The following PRKAR2B variants were observed in gnomAD, a reference collection of about 807,000 sequenced individuals.
The protein encoded by PRKAR2B is cAMP-dependent protein kinase type II-beta regulatory subunit.
PRKAR2B carries 14 observed loss-of-function variants against 49.9 expected under a neutral mutation model. The ratio of observed to expected loss-of-function variants is 0.28; its 90% CI spans 0.19 to 0.44. The LOEUF (loss-of-function observed/expected upper bound fraction) is 0.44. Ranked by LOEUF, PRKAR2B falls within the 20% of genes least tolerant of loss-of-function variation. PRKAR2B has a pLI of 1.00. For missense variants in PRKAR2B, 393 were observed against 537.9 expected, an observed-to-expected ratio of 0.73 and a Z score of 2.67; for synonymous variants, 196 against 197.7, an observed-to-expected ratio of 0.99 and a Z score of 0.07.
At chr7:107,064,393 G>T (rs1358253753) in intron 1 of PRKAR2B, among the ~76,000 whole-genome samples, 2 of 152,150 alleles carry the variant, frequency 1.3e-5, no homozygotes, top group African/African-American at 4.8e-5. Context: ...AAAGCAGAAG[G>T]AGCATCGATA....
intron 8 of PRKAR2B, among the ~76,000 whole-genome samples, chr7:107,155,753 TG>T (rs200057826): frequency 0.01 from 1,588 of 152,298 alleles, 15 homozygotes; most frequent in Non-Finnish European, 0.016. Flanking sequence ...AACCCATTAC[TG>T]GGTATATACC....
At chr7:107,134,029 T>TTTTTTTTG (rs1554373175) in intron 4 of PRKAR2B, among the ~76,000 whole-genome samples, 2 of 152,074 alleles carry the variant, frequency 1.3e-5, no homozygotes, top group African/African-American at 4.8e-5. Flanking sequence ...CCTGTTTTTT[T>TTTTTTTTG]TTGTTGTTGT....
At chr7:107,092,345 A>C (rs1159372123) in intron 2 of PRKAR2B, among the ~76,000 whole-genome samples, 2 of 151,764 alleles carry the variant, frequency 1.3e-5, no homozygotes, top group African/African-American at 4.8e-5. Context: ...TCAGGATAGA[A>C]TCCTGAAGTT....
intron 7 of PRKAR2B, among the ~76,000 whole-genome samples, chr7:107,152,353 C>G (rs1426547284): frequency 6.6e-6 from 1 of 152,192 alleles, no homozygotes; most frequent in Non-Finnish European, 1.5e-5. Flanking sequence ...CTCAAACACA[C>G]CTGTCCCACA....
intron 2 of PRKAR2B, among the ~76,000 whole-genome samples, chr7:107,098,146 A>C (rs1016216272): frequency 1.3e-5 from 2 of 152,182 alleles, no homozygotes; most frequent in Non-Finnish European, 2.9e-5. Flanking sequence ...TTCAGGTACA[A>C]CAATCAGACG....
At chr7:107,111,152 G>T (rs896979436) in intron 2 of PRKAR2B, among the ~76,000 whole-genome samples, 22 of 152,256 alleles carry the variant, frequency 1.4e-4, no homozygotes, top group African/African-American at 5.1e-4. Flanking sequence ...GTCTATAGTG[G>T]TGGTGGCCAC....
chr7:107,073,793 G>A (rs1794333237), intron 2 of PRKAR2B, among the ~76,000 whole-genome samples: 1 of 152,100 alleles, frequency 6.6e-6, no homozygotes. Flanking sequence ...TGGTGTGGTG[G>A]CTCACACCTG....
chr7:107,121,021 A>T (rs1208248811), intron 2 of PRKAR2B, among the ~76,000 whole-genome samples: 2 of 150,754 alleles, frequency 1.3e-5, no homozygotes, highest in Non-Finnish European at 3.0e-5. Flanking sequence ...CAAACTATTT[A>T]ATAATTTTTT....
intron 8 of PRKAR2B, among the ~76,000 whole-genome samples, chr7:107,155,702 T>C (rs1226250472): frequency 6.6e-6 from 1 of 152,208 alleles, no homozygotes; most frequent in Non-Finnish European, 1.5e-5. Context: ...TTCATATCCT[T>C]TGCCCACTTT....
chr7:107,074,628 G>A (rs958393006), intron 2 of PRKAR2B, among the ~76,000 whole-genome samples: 1 of 151,792 alleles, frequency 6.6e-6, no homozygotes, highest in Non-Finnish European at 1.5e-5. Context: ...GTGAAACGCT[G>A]TCTCTACTAA....
intron 4 of PRKAR2B, among the ~76,000 whole-genome samples, chr7:107,128,563 G>A (rs1459802006): frequency 2.6e-5 from 4 of 152,114 alleles, no homozygotes; most frequent in African/African-American, 7.2e-5. Flanking sequence ...CTCTCAAGAT[G>A]TTATCTCAGG....
intron 3 of PRKAR2B, among the ~76,000 whole-genome samples, chr7:107,127,038 C>A (rs1195519538): frequency 1.3e-5 from 2 of 152,148 alleles, no homozygotes; most frequent in South Asian, 2.1e-4. Context: ...AATAGTTTAG[C>A]AATACTATAA....
Position 107,044,992 on chromosome 7 carries a change from C to A in PRKAR2B, c.85C>A (p.Leu29Met). 6.4e-7 allele frequency: 1 copy of A among 1,560,548 alleles called. No individual in the cohort carries two copies. Among genetic ancestry groups the A allele is most frequent in the East Asian group, 2.4e-5 (1 of 41,824 alleles). The change falls in exon 1 of 11, where the codon CTG becomes ATG. Residue 29 changes from leucine (L) to methionine (M), a missense_variant. Leu to Met is a conservative substitution (Grantham distance 15). Around this residue, in one of 2 missense-constraint regions of PRKAR2B, gnomAD observed 160 missense variants for 147.6 expected, o/e 1.08. Coordinates refer to ENST00000265717, the MANE Select transcript of PRKAR2B (RefSeq NM_002736.3). ...EVLRHQPADL[L>M]EFALQHFTRL... ...GCTGAGGCACCAGCCCGCGGACCTG[C>A]TGGAGTTCGCGCTGCAGCACTTCAC...
chr7:107,161,186 A>G lies in PRKAR2B; in HGVS notation c.*1604A>G, dbSNP rs534724605. ...GAACACTGTTTAACATTTTTGCAAA[A>G]CCTTCTTGTAGGAAAAGAGAGCTCT... On this transcript the variant is annotated 3_prime_UTR_variant, in exon 11 of 11. Coordinates refer to ENST00000265717, the MANE Select transcript of PRKAR2B (RefSeq NM_002736.3). 2.7e-4 allele frequency: 41 copies of G among 152,212 alleles called. No homozygotes were observed. The highest frequency in any genetic ancestry group is 4.1e-4 in the Non-Finnish European group (28 of 68,000). The allele number at this position is 152,212 out of a possible 1,614,324, so 9.4% of individuals were successfully genotyped here.
At chr7:107,122,197 A>G (rs1017289213) in intron 3 of PRKAR2B, among the ~76,000 whole-genome samples, 193 bp downstream of exon 3, 1 of 152,176 alleles carries the variant, frequency 6.6e-6, no homozygotes, top group African/African-American at 2.4e-5. Context: ...ATTTTTATCC[A>G]GAGAGTATTT....
intron 2 of PRKAR2B, among the ~76,000 whole-genome samples, chr7:107,096,070 A>C (rs1466745365): frequency 6.6e-6 from 1 of 152,176 alleles, no homozygotes; most frequent in Non-Finnish European, 1.5e-5. Context: ...ATAGTTTCAG[A>C]AGGAATGGTA....
At chr7:107,078,739 G>C (rs1312764957) in intron 2 of PRKAR2B, among the ~76,000 whole-genome samples, 1 of 152,180 alleles carries the variant, frequency 6.6e-6, no homozygotes, top group African/African-American at 2.4e-5. Context: ...TGAGTCTCTG[G>C]TTCTTTTTTG....
At chr7:107,053,274 A>G (rs1793845116) in intron 1 of PRKAR2B, among the ~76,000 whole-genome samples, 1 of 152,202 alleles carries the variant, frequency 6.6e-6, no homozygotes, top group Non-Finnish European at 1.5e-5. Context: ...ATGTGACAAT[A>G]TATTGACTTA....
At chr7:107,099,914 G>A (rs1355550633) in intron 2 of PRKAR2B, among the ~76,000 whole-genome samples, 22 of 152,120 alleles carry the variant, frequency 1.4e-4, no homozygotes, top group African/African-American at 4.3e-4. Context: ...GATTACAGGC[G>A]TGAGCCACCG....
Sources: gnomAD v4.1 joint callset for allele counts (sites outside exome capture counted in the v4.1 genomes callset) on GRCh38, gnomAD v4.1.1 for gene constraint, gnomAD v4.1.1 regional missense constraint, MANE v1.5 for transcripts, NCBI Gene and HGNC (gene_info 2026-07-23, HGNC 2026-07-21) for gene names.